Variants in TPRG1 observed in about 807,000 individuals in gnomAD.
TPRG1 encodes tumor protein p63 regulated 1.
A neutral mutation model predicts 29.3 loss-of-function variants in TPRG1; 29 were observed. The observed-to-expected ratio is 0.99, with a 90% CI of 0.74 to 1.35. The LOEUF (loss-of-function observed/expected upper bound fraction) is 1.35. TPRG1 is among the 40% of genes most tolerant of loss of function. The probability of loss-of-function intolerance (pLI) is 0.00; values close to 1 mark genes in which losing one functional copy is unlikely to be tolerated. For missense variants in TPRG1, 327 were observed against 335.0 expected, an observed-to-expected ratio of 0.98 and a Z score of 0.19; for synonymous variants, 130 against 116.8, an observed-to-expected ratio of 1.11 and a Z score of -0.73.
chr3:189,170,151 C>G (rs1728642292), upstream of TPRG1, among the ~76,000 whole-genome samples: 1 of 152,212 alleles, frequency 6.6e-6, no homozygotes, highest in African/African-American at 2.4e-5. Context: ...ACTCCTCCTG[C>G]CTTTTGTGCC....
At chr3:189,238,290 G>A (rs551521412) in intron 3 of TPRG1, among the ~76,000 whole-genome samples, 7 of 152,274 alleles carry the variant, frequency 4.6e-5, no homozygotes, top group African/African-American at 7.2e-5. Flanking sequence ...TGCAACCTTC[G>A]GAAATTAGTG....
At chr3:189,315,942 T>A (rs1328808745) in intron 5 of TPRG1, among the ~76,000 whole-genome samples, 3 of 152,228 alleles carry the variant, frequency 2.0e-5, no homozygotes, top group Non-Finnish European at 4.4e-5. Context: ...ACAAGTCTGA[T>A]GACATTTGAT....
intron 4 of TPRG1, among the ~76,000 whole-genome samples, chr3:189,043,941 G>C (rs1442719849): frequency 6.6e-6 from 1 of 152,112 alleles, no homozygotes; most frequent in Admixed American, 6.5e-5. Flanking sequence ...GCAATACCCA[G>C]TAGTGAGACT....
At chr3:189,307,290 C>T (rs1190080080) in intron 4 of TPRG1, among the ~76,000 whole-genome samples, 2 of 152,188 alleles carry the variant, frequency 1.3e-5, no homozygotes, top group South Asian at 2.1e-4. Context: ...TTCCAAAGTG[C>T]TGGGATTACA....
chr3:189,298,910 C>T lies in TPRG1; in HGVS notation c.480-11476C>T, dbSNP rs796219707. On this transcript the variant is annotated intron_variant, in intron 4 of 5. Transcript: ENST00000345063. The stretch of plus-strand genomic sequence containing the variant: ...GAGCCTTCTGTACCCACCACCCTCT[C>T]GGGCAGACCCATGGTTTCCTCAAGG... Among the ~76,000 whole-genome samples the T allele has an allele frequency of 7.9e-5, 12 of 152,268 alleles. 1 individual carries two copies. The highest frequency in any genetic ancestry group is 2.4e-4 in the African/African-American group (10 of 41,558).
intron 1 of TPRG1, among the ~76,000 whole-genome samples, chr3:189,122,670 T>C (rs893058161): frequency 7.2e-5 from 11 of 152,356 alleles, no homozygotes; most frequent in African/African-American, 2.4e-4. Flanking sequence ...AATTGAAATG[T>C]CTTGGCCAAG....
chr3:189,023,259 CTG>C (rs1713468221), intron 3 of TPRG1, among the ~76,000 whole-genome samples: 1 of 152,126 alleles, frequency 6.6e-6, no homozygotes, highest in African/African-American at 2.4e-5. Flanking sequence ...TCCCCGAGCT[CTG>C]AGATTCTTTA....
At chr3:189,048,061 A>G (rs1382024141) in intron 4 of TPRG1, among the ~76,000 whole-genome samples, 2 of 152,204 alleles carry the variant, frequency 1.3e-5, no homozygotes, top group South Asian at 2.1e-4. Context: ...AAGGTTTTCA[A>G]TTTACTTTAG....
chr3:189,167,426 C>G (rs1728298517), upstream of TPRG1, among the ~76,000 whole-genome samples: 1 of 152,202 alleles, frequency 6.6e-6, no homozygotes, highest in South Asian at 2.1e-4. Flanking sequence ...GAATGGCTGG[C>G]AAAGTACACC....
At chr3:189,185,486 A>G (rs1418101883) in intron 1 of TPRG1, among the ~76,000 whole-genome samples, 3 of 152,166 alleles carry the variant, frequency 2.0e-5, no homozygotes, top group Admixed American at 6.5e-5. Flanking sequence ...TCGGCCTCCC[A>G]AAGCACTGGG....
chr3:189,184,988 C>G (rs541829286), intron 1 of TPRG1, among the ~76,000 whole-genome samples: 16 of 152,252 alleles, frequency 1.1e-4, no homozygotes, highest in African/African-American at 3.9e-4. Flanking sequence ...GTCTGTCTGT[C>G]CCAGTGGGTT....
intron 1 of TPRG1, 35 bp from the exon 2 acceptor site, chr3:189,207,341 A>G: frequency 6.2e-7 from 1 of 1,611,376 alleles, no homozygotes; most frequent in Non-Finnish European, 8.5e-7. Flanking sequence ...CAGAGGTAAC[A>G]TTTTTTCAAT....
chr3:189,104,979 G>A (rs953146995), intron 1 of TPRG1, among the ~76,000 whole-genome samples: 1 of 152,094 alleles, frequency 6.6e-6, no homozygotes, highest in African/African-American at 2.4e-5. Context: ...AGGTACCTGG[G>A]TCCTTCTACT....
At chr3:189,287,400 CTTT>C (rs79217716) in intron 4 of TPRG1, among the ~76,000 whole-genome samples, 7 of 140,674 alleles carry the variant, frequency 5.0e-5, no homozygotes, top group Non-Finnish European at 3.1e-5. Context: ...TTCTTTCTTT[CTTT>C]TTTTTTTTTT....
At chr3:189,186,328 G>C (rs1353886466) in intron 1 of TPRG1, among the ~76,000 whole-genome samples, 8 of 152,182 alleles carry the variant, frequency 5.3e-5, no homozygotes, top group Admixed American at 5.2e-4. Flanking sequence ...GGGTACGAAG[G>C]CTGGTCCTCT....
intron 1 of TPRG1, among the ~76,000 whole-genome samples, chr3:189,101,847 T>C (rs1222066695): frequency 6.6e-6 from 1 of 151,900 alleles, no homozygotes; most frequent in East Asian, 1.9e-4. Context: ...ATTTCTTGAG[T>C]ACTCAGTACT....
At chr3:189,139,712 C>G (rs1235266729) in intron 3 of TPRG1, among the ~76,000 whole-genome samples, 3 of 150,642 alleles carry the variant, frequency 2.0e-5, no homozygotes, top group Admixed American at 2.0e-4. Flanking sequence ...TACTCCCCCA[C>G]ATCTCGCTAA....
At chr3:189,137,261 A>G (rs1200135180) in intron 3 of TPRG1, among the ~76,000 whole-genome samples, 1 of 151,312 alleles carries the variant, frequency 6.6e-6, no homozygotes, top group East Asian at 1.9e-4. Flanking sequence ...AACATTAAGA[A>G]AGCAACAAAA....
At chr3:189,305,353 T>C (rs1721462884) in intron 4 of TPRG1, among the ~76,000 whole-genome samples, 2 of 152,216 alleles carry the variant, frequency 1.3e-5, no homozygotes, top group Admixed American at 1.3e-4. Context: ...GAGGAGTCTT[T>C]CCTGTCAAAA....
Sources: allele counts gnomAD v4.1 joint callset (sites outside exome capture counted in the v4.1 genomes callset), GRCh38; gene constraint gnomAD v4.1.1; transcripts MANE v1.5; gene names NCBI Gene and HGNC (gene_info 2026-07-23, HGNC 2026-07-21).